Variants in IGSF10 observed in about 807,000 individuals in gnomAD.
The protein encoded by IGSF10 is calvaria mechanical force protein 608.
IGSF10 carries 126 observed loss-of-function variants against 128.2 expected under a neutral mutation model. That is an observed-to-expected ratio of 0.98 (90% CI 0.85 to 1.14). The LOEUF is 1.14. Among genes scored for constraint, IGSF10 ranks in the 50% most tolerant of loss-of-function variants. The pLI, the probability that IGSF10 is intolerant of heterozygous loss-of-function variation, is 0.00. For missense variants in IGSF10, 3,295 were observed against 3,149.8 expected (o/e 1.05, Z -1.10); for synonymous variants, 1,185 against 1,146.2 (o/e 1.03, Z -0.68).
At chr3:151,501,902 G>T in the IGSF10 span, among the ~76,000 whole-genome samples, 1 of 151,962 alleles carries the variant, frequency 6.6e-6, no homozygotes, top group Non-Finnish European at 1.5e-5. Context: ...ACAATAAATT[G>T]ATAACAGCTC....
chr3:151,587,964 A>G, the IGSF10 span, among the ~76,000 whole-genome samples: 1 of 152,324 alleles, frequency 6.6e-6, no homozygotes, highest in African/African-American at 2.4e-5. Context: ...TCTTTTGTAA[A>G]TTGCCCAGTC....
the IGSF10 span, among the ~76,000 whole-genome samples, chr3:151,536,499 G>A: frequency 6.6e-6 from 1 of 152,032 alleles, no homozygotes; most frequent in Non-Finnish European, 1.5e-5. Flanking sequence ...ATTTTATTTG[G>A]CAACCTTATC....
chr3:151,585,760 G>A, the IGSF10 span, among the ~76,000 whole-genome samples: 1 of 151,836 alleles, frequency 6.6e-6, no homozygotes, highest in Admixed American at 6.6e-5. Flanking sequence ...TTACTTCCAT[G>A]CATGTGGAAG....
chr3:151,504,309 C>G, the IGSF10 span, among the ~76,000 whole-genome samples: 6 of 152,094 alleles, frequency 3.9e-5, no homozygotes, highest in South Asian at 2.1e-4. Flanking sequence ...GTTATAAATG[C>G]TTGCAAAGGT....
At chr3:151,454,337 T>G (rs1721672682) in intron 4 of IGSF10, among the ~76,000 whole-genome samples, 2 of 152,212 alleles carry the variant, frequency 1.3e-5, no homozygotes, top group African/African-American at 4.8e-5. Flanking sequence ...TGTTAAAATT[T>G]AAGATATATG....
At chr3:151,518,948 C>T in the IGSF10 span, among the ~76,000 whole-genome samples, 1 of 151,874 alleles carries the variant, frequency 6.6e-6, no homozygotes, top group African/African-American at 2.4e-5. Flanking sequence ...AAAATGGTGA[C>T]TTGATTTATA....
At chr3:151,470,338 G>A in the IGSF10 span, among the ~76,000 whole-genome samples, 1 of 152,190 alleles carries the variant, frequency 6.6e-6, no homozygotes. Context: ...GCTGCTGAAG[G>A]AATTTCCCTC....
At chr3:151,463,944 T>C (rs1722185510), upstream of IGSF10, among the ~76,000 whole-genome samples, 1 of 152,234 alleles carries the variant, frequency 6.6e-6, no homozygotes, top group South Asian at 2.1e-4. Flanking sequence ...TGCTTAATAA[T>C]GCAATATGTT....
the IGSF10 span, among the ~76,000 whole-genome samples, chr3:151,553,983 A>AG: frequency 6.6e-6 from 1 of 151,324 alleles, no homozygotes; most frequent in Admixed American, 6.6e-5. Context: ...CAAAAAAAAA[A>AG]CAAAAGAAAA....
chr3:151,475,008 C>G, the IGSF10 span, among the ~76,000 whole-genome samples: 1 of 152,196 alleles, frequency 6.6e-6, no homozygotes, highest in East Asian at 1.9e-4. Context: ...CAAACCATAT[C>G]AGAACTCTTA....
At chr3:151,458,813 G>C (rs763498692) in intron 2 of IGSF10, 103 bp from the exon 3 acceptor site, 2 of 902,532 alleles carry the variant, frequency 2.2e-6, no homozygotes, top group Non-Finnish European at 3.4e-6. Context: ...TTTAAGGGTC[G>C]TAAGTGGTCA....
chr3:151,484,400 C>G, the IGSF10 span, among the ~76,000 whole-genome samples: 2 of 152,168 alleles, frequency 1.3e-5, no homozygotes, highest in African/African-American at 4.8e-5. Context: ...ATGTCCCTGA[C>G]TGATGGCTCT....
chr3:151,589,074 CAT>C, the IGSF10 span, among the ~76,000 whole-genome samples: 15 of 152,136 alleles, frequency 9.9e-5, no homozygotes, highest in Admixed American at 3.9e-4. Context: ...AAATAAATGA[CAT>C]ATAAATTAAC....
chr3:151,613,343 CA>C, the IGSF10 span, among the ~76,000 whole-genome samples: 5 of 151,850 alleles, frequency 3.3e-5, no homozygotes, highest in Admixed American at 6.6e-5. Flanking sequence ...CATATGGAAC[CA>C]AAAAAAGAGC....
upstream of IGSF10, among the ~76,000 whole-genome samples, chr3:151,464,925 T>C (rs1452129844): frequency 6.6e-6 from 1 of 152,220 alleles, no homozygotes; most frequent in African/African-American, 2.4e-5. Context: ...TTGAAGACTT[T>C]ATATATAGTA....
chr3:151,450,019 G>C (rs528939959), intron 5 of IGSF10, among the ~76,000 whole-genome samples: 96 of 152,308 alleles, frequency 6.3e-4, no homozygotes, highest in Non-Finnish European at 7.6e-4. Flanking sequence ...AGGTTTAAGG[G>C]GGAGGGAAGA....
chr3:151,502,037 A>G, the IGSF10 span, among the ~76,000 whole-genome samples: 3 of 152,108 alleles, frequency 2.0e-5, no homozygotes, highest in Non-Finnish European at 2.9e-5. Context: ...TACTTAATAG[A>G]TCTTCCTACC....
downstream of IGSF10, chr3:151,433,077 C>A: frequency 3.1e-6 from 1 of 327,270 alleles, no homozygotes; most frequent in Non-Finnish European, 5.6e-6. Flanking sequence ...GCTAGCAGAC[C>A]TTTTGAAATT....
At chr3:151,514,517 G>A in the IGSF10 span, among the ~76,000 whole-genome samples, 4 of 152,112 alleles carry the variant, frequency 2.6e-5, no homozygotes, top group South Asian at 4.1e-4. Context: ...AAAAACCCTA[G>A]AAGAAAACCT....
Sources: allele counts gnomAD v4.1 joint callset (sites outside exome capture counted in the v4.1 genomes callset), GRCh38; gene constraint gnomAD v4.1.1; transcripts MANE v1.5; gene names NCBI Gene and HGNC (gene_info 2026-07-23, HGNC 2026-07-21).